The following DISP1 variants were observed in gnomAD, a reference collection of about 807,000 sequenced individuals.
DISP1 encodes protein dispatched homolog 1.
DISP1 carries 30 observed loss-of-function variants against 37.3 expected under a neutral mutation model. The observed-to-expected ratio is 0.80, with a 90% CI of 0.60 to 1.09. The LOEUF (loss-of-function observed/expected upper bound fraction) is 1.09. Ranked by LOEUF, DISP1 falls within the 50% of genes least tolerant of loss-of-function variation. The pLI, the probability that DISP1 is intolerant of heterozygous loss-of-function variation, is 0.00. For missense variants in DISP1, 1,598 were observed against 1,879.5 expected (o/e 0.85, Z 2.77); for synonymous variants, 634 against 690.2 (o/e 0.92, Z 1.28).
intron 1 of DISP1, among the ~76,000 whole-genome samples, chr1:222,925,046 C>T (rs762411713): frequency 1.3e-5 from 2 of 152,042 alleles, no homozygotes; most frequent in Non-Finnish European, 2.9e-5. Context: ...TTTCTTTTCA[C>T]TCTGAATAAT....
chr1:222,937,896 C>A (rs1222603903), intron 2 of DISP1, among the ~76,000 whole-genome samples: 3 of 143,886 alleles, frequency 2.1e-5, no homozygotes, highest in East Asian at 2.1e-4. Context: ...TGTTTTGAGA[C>A]AGGGTCTCGT....
In DISP1 at chr1:222,862,204, G is replaced by A. The variant is rs1323266540; in HGVS notation, c.-159+47126G>A. Among the ~76,000 whole-genome samples the A allele has an allele frequency of 2.6e-5, 4 of 152,114 alleles. No homozygotes were observed. The South Asian group carries it at 8.3e-4, about 32-fold the overall frequency. On this transcript the variant is annotated intron_variant, in intron 1 of 8. Transcript: ENST00000675850. The stretch of plus-strand genomic sequence containing the variant: ...GTTTGTAACTTTTTATTTTGATGTA[G>A]TTTAACACTTAATGAAGAGTTACAA...
intron 1 of DISP1, among the ~76,000 whole-genome samples, chr1:222,883,370 A>T (rs1056433835): frequency 6.6e-6 from 1 of 152,216 alleles, no homozygotes; most frequent in Non-Finnish European, 1.5e-5. Context: ...CTGTAATCCC[A>T]GCACTTTGGG....
At chr1:222,955,615 A>G (rs1171484913) in intron 3 of DISP1, among the ~76,000 whole-genome samples, 2 of 152,186 alleles carry the variant, frequency 1.3e-5, no homozygotes, top group African/African-American at 4.8e-5. Context: ...AATAAATTAC[A>G]TGAGATATTC....
At chr1:222,936,900 A>ATATATTACATATTATATAT (rs1673909508) in intron 2 of DISP1, among the ~76,000 whole-genome samples, 1 of 90,386 alleles carries the variant, frequency 1.1e-5, no homozygotes, top group Non-Finnish European at 2.0e-5. Flanking sequence ...TATATTATTT[A>ATATATTACATATTATATAT]TATATAATAT....
At chr1:222,937,160 G>C (rs553935679) in intron 2 of DISP1, among the ~76,000 whole-genome samples, 3 of 148,366 alleles carry the variant, frequency 2.0e-5, no homozygotes, top group Non-Finnish European at 4.4e-5. Flanking sequence ...CGTGATCTCG[G>C]CTCACTGCAA....
At chr1:222,869,944 C>G (rs187833986) in intron 1 of DISP1, among the ~76,000 whole-genome samples, 4 of 152,014 alleles carry the variant, frequency 2.6e-5, no homozygotes, top group African/African-American at 9.7e-5. Flanking sequence ...CCCCTCTCCC[C>G]CCACCCCACA....
Position 222,847,015 on chromosome 1 carries a change from C to T in DISP1, c.-159+31937C>T, listed in dbSNP as rs186515044. On this transcript the variant is annotated intron_variant, in intron 1 of 8. Coordinates refer to ENST00000675850, the MANE Select transcript of DISP1 (RefSeq NM_001377229.1). ...AATAATGCCACTAAATAGATTTCTA[C>T]TGTATTTCCCTCCTCTGTTTCCAAT... Among the ~76,000 whole-genome samples, 879 of 152,286 alleles carry T rather than the reference C, an allele frequency of 5.8e-3. 5 individuals are homozygous for T. Among genetic ancestry groups the T allele is most frequent in the Middle Eastern group, 0.02 (6 of 294 alleles).
chr1:222,904,759 G>C (rs1239268602), intron 1 of DISP1, among the ~76,000 whole-genome samples: 1 of 151,756 alleles, frequency 6.6e-6, no homozygotes, highest in Non-Finnish European at 1.5e-5. Context: ...GTAGAGACGG[G>C]GTTTCACCAT....
At chr1:222,906,701 A>G (rs1273156926) in intron 1 of DISP1, among the ~76,000 whole-genome samples, 2 of 152,236 alleles carry the variant, frequency 1.3e-5, no homozygotes, top group Non-Finnish European at 2.9e-5. Context: ...GGCATGAATA[A>G]TCCACCCCTT....
At chr1:222,835,225 A>G (rs1290186974) in intron 1 of DISP1, 2 of 152,138 alleles carry the variant, frequency 1.3e-5, no homozygotes, top group Admixed American at 6.5e-5. Flanking sequence ...GGTAATTTCA[A>G]ATTTTGAAAG....
chr1:222,839,720 G>GTCAAGAGA (rs1251530106), intron 1 of DISP1, among the ~76,000 whole-genome samples: 2 of 152,010 alleles, frequency 1.3e-5, no homozygotes, highest in Non-Finnish European at 2.9e-5. Flanking sequence ...GGATCATGAG[G>GTCAAGAGA]TCAAGAGATC....
intron 2 of DISP1, among the ~76,000 whole-genome samples, chr1:222,937,966 T>G (rs1036890608): frequency 6.6e-6 from 1 of 152,146 alleles, no homozygotes; most frequent in Non-Finnish European, 1.5e-5. Context: ...CTCCGTCTCT[T>G]GGGCTCAAGT....
chr1:222,903,281 C>T (rs938505934), intron 1 of DISP1, among the ~76,000 whole-genome samples: 1 of 125,344 alleles, frequency 8.0e-6, no homozygotes, highest in Non-Finnish European at 1.6e-5. Context: ...GGGAACATCA[C>T]ACTCCGGGGA....
chr1:222,918,180 T>G (rs1672601479), intron 1 of DISP1, among the ~76,000 whole-genome samples: 1 of 152,122 alleles, frequency 6.6e-6, no homozygotes, highest in Non-Finnish European at 1.5e-5. Context: ...ACAATTCTGT[T>G]TCAGGGGTGG....
At chr1:222,842,107 AACTC>A (rs753599830) in intron 1 of DISP1, among the ~76,000 whole-genome samples, 88 of 152,260 alleles carry the variant, frequency 5.8e-4, no homozygotes, top group Admixed American at 1.2e-3. Flanking sequence ...TGAAGATTCA[AACTC>A]TAGTCTAGTT....
chr1:222,945,103 T>A (rs1674677301), intron 3 of DISP1, among the ~76,000 whole-genome samples: 2 of 152,172 alleles, frequency 1.3e-5, no homozygotes, highest in Admixed American at 6.5e-5. Context: ...TTGTTGAGAT[T>A]ATCTGGTTAC....
chr1:222,925,938 C>T (rs914979970), intron 1 of DISP1, among the ~76,000 whole-genome samples: 11 of 152,078 alleles, frequency 7.2e-5, no homozygotes, highest in African/African-American at 1.4e-4. Flanking sequence ...AAGTCACATC[C>T]GAAAAAATTC....
intron 2 of DISP1, among the ~76,000 whole-genome samples, chr1:222,934,356 AT>A (rs1348987481): frequency 6.6e-6 from 1 of 152,222 alleles, no homozygotes; most frequent in East Asian, 1.9e-4. Flanking sequence ...TAGTGAGATG[AT>A]TAAAAAAAAT....
Sources: allele counts gnomAD v4.1 joint callset (sites outside exome capture counted in the v4.1 genomes callset), GRCh38; gene constraint gnomAD v4.1.1; transcripts MANE v1.5; gene names NCBI Gene and HGNC (gene_info 2026-07-23, HGNC 2026-07-21).